Variants in MPDZ observed in about 807,000 individuals in gnomAD.
MPDZ encodes the protein multiple PDZ domain protein.
Under a neutral mutation model 239.1 loss-of-function variants are expected in MPDZ, and 234 were observed. The ratio of observed to expected loss-of-function variants is 0.98; its 90% CI spans 0.88 to 1.09. MPDZ has a LOEUF of 1.09. Ranked by LOEUF, MPDZ falls within the 50% of genes least tolerant of loss-of-function variation. The probability of loss-of-function intolerance (pLI) is 0.00; values close to 1 mark genes in which losing one functional copy is unlikely to be tolerated. For missense variants in MPDZ, 3,175 were observed against 2,510.0 expected (o/e 1.26, Z -5.66); for synonymous variants, 1,048 against 881.3 (o/e 1.19, Z -3.35).
intron 34 of MPDZ, among the ~76,000 whole-genome samples, chr9:13,125,914 A>G (rs1341677875): frequency 6.6e-6 from 1 of 152,220 alleles, no homozygotes; most frequent in Non-Finnish European, 1.5e-5. Context: ...AATTTTTAAA[A>G]AGTAACTTTA....
chr9:13,247,639 T>G lies in MPDZ; in HGVS notation c.179A>C (p.Asp60Ala), dbSNP rs370269534. ...CTTGGGTGAATGATGTCCTACCTGG[T>G]CTTTCAGCTGCTGTACAGAAGTCTG... ...SLQTSVQQLK[D>A]QVNIATSATS... Residue 60 changes from aspartate to alanine, a missense_variant, in exon 3 of 47, where the codon GAC (aspartate) becomes GCC (alanine). Physicochemically the swap from Asp to Ala is moderately radical, Grantham distance 126 (BLOSUM62 -2). Transcript: ENST00000319217. 1 of 1,609,550 alleles carries G rather than the reference T, an allele frequency of 6.2e-7. No individual in the cohort carries two copies.
chr9:13,161,183 T>C (rs1185615150), intron 23 of MPDZ, among the ~76,000 whole-genome samples: 2 of 152,048 alleles, frequency 1.3e-5, no homozygotes, highest in Admixed American at 6.6e-5. Flanking sequence ...TAGTCATCTG[T>C]AATGTGCAGA....
At chr9:13,214,750 T>A (rs1358794372) in intron 10 of MPDZ, among the ~76,000 whole-genome samples, 2 of 152,014 alleles carry the variant, frequency 1.3e-5, no homozygotes, top group East Asian at 3.9e-4. Context: ...CAAAAACATG[T>A]ACAGTAATTC....
At chr9:13,205,826 C>A in intron 11 of MPDZ, 90 bp downstream of exon 11, 2 of 1,170,050 alleles carry the variant, frequency 1.7e-6, no homozygotes, top group Non-Finnish European at 2.3e-6. Context: ...TAATTAAGAA[C>A]CATTCTGAAA....
chr9:13,172,563 T>C (rs1273957109), intron 21 of MPDZ, among the ~76,000 whole-genome samples: 1 of 152,052 alleles, frequency 6.6e-6, no homozygotes, highest in African/African-American at 2.4e-5. Flanking sequence ...TTTTTTGTAT[T>C]TTCAGTAGAG....
intron 3 of MPDZ, among the ~76,000 whole-genome samples, chr9:13,241,495 G>C (rs1965396516): frequency 6.6e-6 from 1 of 152,104 alleles, no homozygotes; most frequent in Non-Finnish European, 1.5e-5. Context: ...AAAGACAGTA[G>C]TCATCTCCCC....
chr9:13,168,501 C>T lies in MPDZ; in HGVS notation c.3119G>A (p.Gly1040Asp). 1.2e-6 allele frequency: 2 copies of T among 1,613,352 alleles called. No homozygotes were observed. The highest frequency in any genetic ancestry group is 1.7e-5 in the Admixed American group (1 of 59,944). Residue 1040 changes from glycine to aspartate, a missense_variant, in exon 22 of 47, where the codon GGT (glycine) becomes GAT (aspartate). Coordinates refer to ENST00000319217, the MANE Select transcript of MPDZ (RefSeq NM_001378778.1). Reference protein sequence around the residue: ...GMIVRSIIHGGAISRDGRIAI... With the variant: ...GMIVRSIIHGDAISRDGRIAI... ...AATCCGGCCATCTCGACTAATGGCA[C>T]CTCCATGAATAATGCTTCGAACGAT...
chr9:13,159,174 T>C (rs1950176678), intron 23 of MPDZ, among the ~76,000 whole-genome samples: 1 of 152,192 alleles, frequency 6.6e-6, no homozygotes, highest in Non-Finnish European at 1.5e-5. Context: ...TGAGCTTGAA[T>C]GCGCTTTGCA....
intron 22 of MPDZ, among the ~76,000 whole-genome samples, chr9:13,166,337 G>C (rs1951072814): frequency 6.6e-6 from 1 of 152,124 alleles, no homozygotes; most frequent in South Asian, 2.1e-4. Context: ...AAAATGCACA[G>C]AACATGCTGC....
intron 3 of MPDZ, among the ~76,000 whole-genome samples, chr9:13,231,272 T>C (rs1427385240): frequency 6.6e-6 from 1 of 151,986 alleles, no homozygotes; most frequent in Non-Finnish European, 1.5e-5. Context: ...TTTATCAAAA[T>C]ATCAATAGTT....
At chr9:13,221,852 C>T (rs920974549) in intron 6 of MPDZ, among the ~76,000 whole-genome samples, 1 of 151,760 alleles carries the variant, frequency 6.6e-6, no homozygotes, top group African/African-American at 2.4e-5. Flanking sequence ...CATAATCCTG[C>T]CTTGAGGCAG....
intron 3 of MPDZ, among the ~76,000 whole-genome samples, chr9:13,232,386 A>G (rs1962746270): frequency 6.6e-6 from 1 of 152,116 alleles, no homozygotes. Flanking sequence ...CACATATATG[A>G]CCCCGTGATT....
chr9:13,183,500 T>A lies in MPDZ; in HGVS notation c.2567A>T (p.Gln856Leu). ...SPENDSIYSTQASILSLHGSS... is the reference protein window; with the variant it reads ...SPENDSIYSTLASILSLHGSS... ...GCCATGAAGAGATAAAATAGAGGCT[T>A]GAGTAGAGTAGATGCTGTCATTTTC... The change falls in exon 19 of 47, where the codon CAA becomes CTA. Residue 856 changes from glutamine (Q) to leucine (L), a missense_variant. Gln to Leu is a moderately radical substitution (Grantham distance 113). Transcript: ENST00000319217. The A allele has an allele frequency of 6.2e-7, 1 of 1,612,446 alleles. No individual in the cohort carries two copies. The highest frequency in any genetic ancestry group is 8.5e-7 in the Non-Finnish European group (1 of 1,179,072).
At chr9:13,279,250 T>TCCCCCCCCCCCC (rs1564192119) in intron 1 of MPDZ, 150 bp downstream of exon 1, 1 of 45,906 alleles carries the variant, frequency 2.2e-5, no homozygotes, top group African/African-American at 6.5e-5. Context: ...CCGCCACCCC[T>TCCCCCCCCCCCC]ACCCCCACCC....
rs759287498 is a variant in MPDZ at position 13,196,098 on chromosome 9, T to C, written c.1656+23A>G. 8 of 1,488,876 alleles carry C rather than the reference T, an allele frequency of 5.4e-6. No individual in the cohort carries two copies. In the East Asian group the frequency reaches 9.3e-5, roughly 17 times the overall value. The allele number at this position is 1,488,876 out of a possible 1,614,324, so 92.2% of individuals were successfully genotyped here. On this transcript the variant is annotated intron_variant, in intron 13 of 46. Coordinates refer to ENST00000319217, the MANE Select transcript of MPDZ (RefSeq NM_001378778.1). The stretch of plus-strand genomic sequence containing the variant: ...TCAAATACAGTTACAAGTTAGAAAA[T>C]TACAGAAGGTCAGCTAACCTACCAC...
At chr9:13,229,757 T>C (rs1217583676) in intron 3 of MPDZ, among the ~76,000 whole-genome samples, 4 of 152,102 alleles carry the variant, frequency 2.6e-5, no homozygotes. Context: ...TCAGTAGGAA[T>C]TCCTTAAACC....
intron 15 of MPDZ, 106 bp downstream of exon 15, chr9:13,192,025 G>A (rs16930194): frequency 0.04 from 39,304 of 991,604 alleles, 1,426 homozygotes; most frequent in African/African-American, 0.17. Flanking sequence ...AGCCATGGGC[G>A]ATGTGAGTAA....
At chr9:13,192,396 AC>A in intron 14 of MPDZ, 101 bp from the exon 15 acceptor site, 1 of 1,007,246 alleles carries the variant, frequency 9.9e-7, no homozygotes, top group Non-Finnish European at 1.5e-6. Context: ...TATAGTCATT[AC>A]CACAGTTTAC....
At chr9:13,195,014 G>T (rs561513679) in intron 13 of MPDZ, among the ~76,000 whole-genome samples, 16 of 152,226 alleles carry the variant, frequency 1.1e-4, no homozygotes, top group Non-Finnish European at 1.8e-4. Context: ...ATAGCAAGGT[G>T]CAGTGGTGCA....
Sources: gnomAD v4.1 joint callset for allele counts (sites outside exome capture counted in the v4.1 genomes callset) on GRCh38, gnomAD v4.1.1 for gene constraint, MANE v1.5 for transcripts, NCBI Gene and HGNC (gene_info 2026-07-23, HGNC 2026-07-21) for gene names.